The following RNF213 variants were observed in gnomAD, a reference collection of about 807,000 sequenced individuals.
RNF213 encodes ring finger protein 213.
In RNF213, 341 loss-of-function variants were observed where a neutral mutation model predicts 514.4. The observed-to-expected ratio is 0.66, with a 90% CI of 0.61 to 0.73. RNF213 has a LOEUF of 0.73. Among genes scored for constraint, RNF213 ranks in the 30% least tolerant of loss-of-function variants. The probability of loss-of-function intolerance (pLI) is 0.00; values close to 1 mark genes in which losing one functional copy is unlikely to be tolerated. For synonymous variants in RNF213, 2,655 were observed against 2,658.2 expected, an observed-to-expected ratio of 1.00 and a Z score of 0.04; for missense variants, 5,767 against 6,615.6, an observed-to-expected ratio of 0.87 and a Z score of 4.45.
rs536716139 is a variant in RNF213, at chr17:80,305,947, G to A, written c.2211-305G>A. ...AAGTTAATTCTCAGTAGGTTGTTCTGTACTTTTCATTTGATTCACTGCATA... is the reference window on the plus strand; with the variant it reads ...AAGTTAATTCTCAGTAGGTTGTTCTATACTTTTCATTTGATTCACTGCATA... On this transcript the variant is annotated intron_variant, in intron 11 of 67. Coordinates refer to ENST00000582970, the MANE Select transcript of RNF213 (RefSeq NM_001256071.3). 1.8e-4 allele frequency among the ~76,000 whole-genome samples: 28 copies of A among 152,056 alleles called. No individual in the cohort carries two copies. In the South Asian group the frequency reaches 5.0e-3, roughly 27 times the overall value.
chr17:80,283,976 C>A (rs2044385050), intron 3 of RNF213, among the ~76,000 whole-genome samples: 1 of 152,194 alleles, frequency 6.6e-6, no homozygotes, highest in Admixed American at 6.5e-5. Flanking sequence ...GTAATCACAG[C>A]ACTTTGGGAG....
In RNF213 at chr17:80,383,771, C is replaced by T. The variant is rs759265439; in HGVS notation, c.14165C>T (p.Pro4722Leu). Residue 4722 changes from proline (P) to leucine (L), a missense_variant, in exon 59 of 68, where the codon CCA becomes CTA. Coordinates refer to ENST00000582970, the MANE Select transcript of RNF213 (RefSeq NM_001256071.3). ...NPVAKIIYGD[P>L]VTFLPHLPRK... ...GTGGCCAAAATAATATATGGTGACCCAGTGACCTTCCTGCCCCACCTGCCC... is the reference window on the plus strand; with the variant it reads ...GTGGCCAAAATAATATATGGTGACCTAGTGACCTTCCTGCCCCACCTGCCC... 2 of 1,614,162 alleles carry T rather than the reference C, an allele frequency of 1.2e-6. No individual in the cohort carries two copies. The highest frequency in any genetic ancestry group is 1.1e-5 in the South Asian group (1 of 91,078).
intron 42 of RNF213, chr17:80,365,046 T>A: frequency 4.8e-6 from 1 of 208,010 alleles, no homozygotes; most frequent in Non-Finnish European, 1.0e-5. Context: ...ATAAAGCTAC[T>A]AATGTGGGGT....
rs1159972480 is a variant in RNF213 at position 80,348,037 on chromosome 17, A to G, written c.9702A>G (p.Ile3234Met). ...GCGCGTCTGTGGTGCTGCAGGTCAT[A>G]GAGAGGCAGGGTCCCCGGGCCTTGA... ...DACASVVLQV[I>M]ERQGPRALTE... Residue 3234 changes from isoleucine (I) to methionine (M), a missense_variant, in exon 29 of 68, where the codon ATA (isoleucine) becomes ATG (methionine). Ile to Met is a conservative substitution (Grantham distance 10). Around this residue, in one of 13 missense-constraint regions of RNF213, gnomAD observed 919 missense variants for 1,121.0 expected, o/e 0.82. Coordinates refer to ENST00000582970, the MANE Select transcript of RNF213 (RefSeq NM_001256071.3). The G allele has an allele frequency of 6.2e-7, 1 of 1,614,070 alleles. No individual in the cohort carries two copies. The highest frequency in any genetic ancestry group is 8.5e-7 in the Non-Finnish European group (1 of 1,180,048).
In RNF213 at chr17:80,393,461, C is replaced by T. The variant is rs767166380; in HGVS notation, c.15587C>T (p.Thr5196Ile). The change falls in exon 68 of 68, where the codon ACA becomes ATA. Residue 5196 changes from threonine (T) to isoleucine (I), a missense_variant. By Grantham distance (89) the Thr-to-Ile change is moderately conservative. Transcript: ENST00000582970. ...LLASCVSVWK[T>I]AAVLKWNREM... The stretch of plus-strand genomic sequence containing the variant: ...GCCAGCTGTGTCTCAGTGTGGAAAA[C>T]AGCTGCTGTGCTGAAATGGAATCGA... 1 of 1,614,218 alleles carries T rather than the reference C, an allele frequency of 6.2e-7. No individual in the cohort carries two copies. The highest frequency in any genetic ancestry group is 8.5e-7 in the Non-Finnish European group (1 of 1,180,040).
rs1797390577 is a variant in RNF213 at position 80,353,462 on chromosome 17, CCT to C, written c.10424-49_10424-48del. The C allele has an allele frequency of 1.9e-6, 3 of 1,564,930 alleles. No homozygotes were observed. The highest frequency in any genetic ancestry group is 1.2e-5 in the South Asian group (1 of 85,640). On this transcript the variant is annotated intron_variant, in intron 33 of 67. Transcript: ENST00000582970. The surrounding 1 kb of genome is among the most constrained non-coding windows in gnomAD (Gnocchi z 5.0). ...CTCCCAGATGGCACCGCTGCCAGTC[CCT>C]GTGCCACCTTCTGAGTGGTAACGCA...
Position 80,340,310 on chromosome 17 carries a change from T to C in RNF213, c.5943T>C (p.Asn1981=). ...CCCTGTCGGCGGCAGCCGTGTTCAA[T>C]GACCGGCTGTGTGTTGGGATCGTGG... ...KQTLSAAAVF[N]DRLCVGIVAS... The change falls in exon 26 of 68, where the codon AAT becomes AAC. Residue 1981 remains asparagine (N), a synonymous_variant. Coordinates refer to ENST00000582970, the MANE Select transcript of RNF213 (RefSeq NM_001256071.3). 1 of 1,613,872 alleles carries C rather than the reference T, an allele frequency of 6.2e-7. No individual in the cohort carries two copies. Among genetic ancestry groups the C allele is most frequent in the East Asian group, 2.2e-5 (1 of 44,886 alleles).
chr17:80,324,603 T>C (rs547112793), intron 17 of RNF213, among the ~76,000 whole-genome samples: 56 of 152,302 alleles, frequency 3.7e-4, no homozygotes, highest in African/African-American at 1.3e-3. Context: ...CGGAGGAGAA[T>C]TAAAAAGAGA....
At chr17:80,267,989 T>C (rs764115317) in intron 2 of RNF213, among the ~76,000 whole-genome samples, 6 of 151,926 alleles carry the variant, frequency 3.9e-5, no homozygotes, top group Admixed American at 1.3e-4. Context: ...CCGGCTAATA[T>C]TGTATTTTTT....
intron 44 of RNF213, 121 bp downstream of exon 44, chr17:80,368,264 A>C (rs1169702746): frequency 9.1e-7 from 1 of 1,102,466 alleles, no homozygotes; most frequent in East Asian, 2.3e-5. Context: ...ACCTCAGAGA[A>C]CTATCATAAG....
Position 80,347,049 on chromosome 17 carries a change from C to T in RNF213, c.8714C>T (p.Pro2905Leu), listed in dbSNP as rs146021745. ...GGCATTTTTGTGTCACGTGGCAGCC[C>T]CAACGAGACAGAGCTCATAGAGAGC... ...NRGIFVSRGS[P>L]NETELIESAK... The change falls in exon 29 of 68, where the codon CCC (proline) becomes CTC (leucine). Residue 2905 changes from proline to leucine, a missense_variant. By Grantham distance (98) the Pro-to-Leu change is moderately conservative. Around this residue, in one of 13 missense-constraint regions of RNF213, gnomAD observed 919 missense variants for 1,121.0 expected, o/e 0.82. Transcript: ENST00000582970. The surrounding 1 kb of genome is among the most constrained non-coding windows in gnomAD (Gnocchi z 7.2). 8.0e-5 allele frequency: 129 copies of T among 1,613,944 alleles called. No homozygotes were observed. The highest frequency in any genetic ancestry group is 1.0e-4 in the Non-Finnish European group (122 of 1,180,020).
chr17:80,315,117 A>G (rs1213516548), intron 15 of RNF213, among the ~76,000 whole-genome samples: 1 of 6,514 alleles, frequency 1.5e-4, no homozygotes, highest in Admixed American at 1.8e-3. Context: ...GGTAAAGGTG[A>G]TGGTGGAGGT....
rs904708116 is a variant in RNF213, at chr17:80,263,990, G to T, written c.97+212G>T. ...TGGCATAGATTAGTCTCCCACACAGGTCAAGCCAGGGGACCACCACCCAGT... is the reference window on the plus strand; with the variant it reads ...TGGCATAGATTAGTCTCCCACACAGTTCAAGCCAGGGGACCACCACCCAGT... On this transcript the variant is annotated intron_variant, in intron 2 of 67. Transcript: ENST00000582970. This position sits in a 1 kb window ranked among gnomAD's most constrained non-coding sequence, Gnocchi z 4.9. Among the ~76,000 whole-genome samples the T allele has an allele frequency of 1.3e-5, 2 of 152,158 alleles. No individual in the cohort carries two copies. The highest frequency in any genetic ancestry group is 1.3e-4 in the Admixed American group (2 of 15,278).
In RNF213 at chr17:80,390,002, G is replaced by A. The variant is rs766554320; in HGVS notation, c.15286-10G>A. ...GCTTTAATGCTTCATTTGCTCTTCC[G>A]TCGTTTTAGGAGCCATTTGGGGAAA... On this transcript the variant is annotated splice_polypyrimidine_tract_variant and intron_variant, in intron 66 of 67. Transcript: ENST00000582970. The A allele has an allele frequency of 1.9e-5, 30 of 1,614,054 alleles. No individual in the cohort carries two copies. In the South Asian group the frequency reaches 1.9e-4, roughly 10 times the overall value.
chr17:80,353,080 C>A lies in RNF213; in HGVS notation c.10423+21C>A. The stretch of plus-strand genomic sequence containing the variant: ...TGAGCGTGAGTCACGAGGCGGAGCC[C>A]CTGGGGGAGCAGGTGGTGGAAGGGC... On this transcript the variant is annotated intron_variant, in intron 33 of 67. Transcript: ENST00000582970. This position sits in a 1 kb window ranked among gnomAD's most constrained non-coding sequence, Gnocchi z 5.0. 6.2e-7 allele frequency: 1 copy of A among 1,609,510 alleles called. No homozygotes were observed. Among genetic ancestry groups the A allele is most frequent in the Admixed American group, 1.7e-5 (1 of 60,020 alleles).
intron 20 of RNF213, among the ~76,000 whole-genome samples, chr17:80,328,975 C>T (rs1283945277): frequency 6.6e-6 from 1 of 152,240 alleles, no homozygotes; most frequent in South Asian, 2.1e-4. Flanking sequence ...GTTTTCACTG[C>T]GTTAATGATA....
rs960396070 is a variant in RNF213, at chr17:80,294,896, A to G, written c.1648A>G (p.Asn550Asp). 1 of 1,614,194 alleles carries G rather than the reference A, an allele frequency of 6.2e-7. No individual in the cohort carries two copies. Among genetic ancestry groups the G allele is most frequent in the African/African-American group, 1.3e-5 (1 of 75,036 alleles). ...GCAGACCTGGGACACCATCAACCTG[A>G]ACAGCTTCTTCACCCAGTTCGAGCA... is the stretch of plus-strand genomic sequence containing the variant. ...ILQTWDTINL[N>D]SFFTQFEQFC... Residue 550 changes from asparagine to aspartate, a missense_variant, in exon 9 of 68, where the codon AAC becomes GAC. Coordinates refer to ENST00000582970, the MANE Select transcript of RNF213 (RefSeq NM_001256071.3).
rs1303081458 is a variant in RNF213, at chr17:80,328,755, G to A, written c.3517+278G>A. Among the ~76,000 whole-genome samples the A allele has an allele frequency of 2.0e-5, 3 of 152,124 alleles. No homozygotes were observed. The East Asian group carries it at 5.8e-4, about 29-fold the overall frequency. ...CCGCTGCAGAAGATGAGGGCTTAGA[G>A]CCACACATTTCTGGTCTGTGCCCTG... is the stretch of plus-strand genomic sequence containing the variant. On this transcript the variant is annotated intron_variant, in intron 20 of 67. Transcript: ENST00000582970.
At position 80,384,529 on chromosome 17, in the gene RNF213, T is replaced by C. The variant is rs543056198; in HGVS notation, c.14323-510T>C. On this transcript the variant is annotated intron_variant, in intron 59 of 67. Transcript: ENST00000582970. ...GCTGTCTAGCAAGGATGAAGACGAG[T>C]TGGAAACTTCTGTTGGTCAGTTGAG... Among the ~76,000 whole-genome samples the C allele has an allele frequency of 1.1e-4, 17 of 152,324 alleles. No homozygotes were observed. The South Asian group carries it at 3.1e-3, about 28-fold the overall frequency.
Sources: allele counts gnomAD v4.1 joint callset (sites outside exome capture counted in the v4.1 genomes callset), GRCh38; gene constraint gnomAD v4.1.1; regional missense constraint gnomAD v4.1.1; non-coding constraint Gnocchi (gnomAD v3.1); transcripts MANE v1.5; gene names NCBI Gene and HGNC (gene_info 2026-07-23, HGNC 2026-07-21).